The following APLP2 variants were observed in gnomAD, a reference collection of about 807,000 sequenced individuals.
APLP2 encodes CDEI box-binding protein.
A neutral mutation model predicts 89.9 loss-of-function variants in APLP2; 53 were observed. The observed-to-expected ratio is 0.59, with a 90% confidence interval of 0.47 to 0.74. APLP2 has a LOEUF of 0.74. Among genes scored for constraint, APLP2 ranks in the 30% least tolerant of loss-of-function variants. The probability of loss-of-function intolerance (pLI) is 0.00; values close to 1 mark genes in which losing one functional copy is unlikely to be tolerated. For missense variants in APLP2, 973 were observed against 975.9 expected, an observed-to-expected ratio of 1.00 and a Z score of 0.04; for synonymous variants, 372 against 348.6, an observed-to-expected ratio of 1.07 and a Z score of -0.75.
intron 3 of APLP2, among the ~76,000 whole-genome samples, chr11:130,118,035 C>G (rs1949399590): frequency 6.6e-6 from 1 of 150,852 alleles, no homozygotes; most frequent in Non-Finnish European, 1.5e-5. Context: ...TGAGATTGCG[C>G]CACTGCACTC....
intron 1 of APLP2, chr11:130,082,350 A>T (rs1386901306): frequency 6.6e-6 from 1 of 151,318 alleles, no homozygotes; most frequent in Non-Finnish European, 1.5e-5. Flanking sequence ...CGCCCAGCTG[A>T]TTTTTGTATT....
chr11:130,113,885 C>G (rs1054065044), intron 3 of APLP2, among the ~76,000 whole-genome samples: 2 of 152,178 alleles, frequency 1.3e-5, no homozygotes, highest in Non-Finnish European at 2.9e-5. Flanking sequence ...TTCAGATTTT[C>G]CAACTGTTAA....
At chr11:130,094,162 T>G (rs1160790452) in intron 1 of APLP2, among the ~76,000 whole-genome samples, 1 of 150,914 alleles carries the variant, frequency 6.6e-6, no homozygotes, top group Non-Finnish European at 1.5e-5. Flanking sequence ...TAAGCGATTC[T>G]CCTTCCTCAG....
At chr11:130,133,531 G>A (rs560193680) in intron 11 of APLP2, 98 bp from the exon 12 acceptor site, 8 of 817,602 alleles carry the variant, frequency 9.8e-6, no homozygotes, top group Non-Finnish European at 1.7e-5. Context: ...TTTGTAAAGT[G>A]GTTTTTCCAG....
intron 1 of APLP2, chr11:130,070,721 T>G: frequency 6.8e-7 from 1 of 1,470,496 alleles, no homozygotes; most frequent in East Asian, 3.0e-5. Flanking sequence ...TTTGCCTGCG[T>G]CCGTAGACCG....
intron 7 of APLP2, among the ~76,000 whole-genome samples, chr11:130,125,025 G>A (rs1300965040): frequency 6.6e-6 from 1 of 152,220 alleles, no homozygotes; most frequent in Non-Finnish European, 1.5e-5. Flanking sequence ...CCCGTTTGCT[G>A]TGGCTTGGAT....
chr11:130,070,428 A>G lies in APLP2; in HGVS notation c.105+346A>G, dbSNP rs1940738318. On this transcript the variant is annotated intron_variant, in intron 1 of 16. Coordinates refer to ENST00000338167, the MANE Select transcript of APLP2 (RefSeq NM_001142276.2). ...CGCCCGCCCCGCCCTCCCCCGGGAC[A>G]ATGCCAGGGCGCTCCTCTCCCGCCG... The G allele has an allele frequency of 1.0e-5, 4 of 385,578 alleles. No homozygotes were observed. The South Asian group carries it at 3.5e-4, about 33-fold the overall frequency. The allele number at this position is 385,578 out of a possible 1,614,324, so 23.9% of individuals were successfully genotyped here.
chr11:130,086,239 C>A (rs1330853974), intron 1 of APLP2, among the ~76,000 whole-genome samples: 1 of 152,198 alleles, frequency 6.6e-6, no homozygotes. Flanking sequence ...TCCTAATGGG[C>A]GTGGAGCGGT....
At chr11:130,091,562 C>G in intron 1 of APLP2, among the ~76,000 whole-genome samples, 1 of 143,060 alleles carries the variant, frequency 7.0e-6, no homozygotes. Flanking sequence ...CCACCTCCCT[C>G]CCGGACGGGG....
At chr11:130,108,131 A>T (rs535587682) in intron 1 of APLP2, among the ~76,000 whole-genome samples, 6 of 152,220 alleles carry the variant, frequency 3.9e-5, no homozygotes, top group African/African-American at 9.6e-5. Flanking sequence ...AACCTAGGCA[A>T]TACCATTCAG....
chr11:130,122,179 C>A, intron 5 of APLP2, 126 bp from the exon 6 acceptor site: 2 of 1,141,772 alleles, frequency 1.8e-6, no homozygotes, highest in Non-Finnish European at 2.5e-6. Flanking sequence ...CTTAGTGGCA[C>A]GGTGAAATGT....
intron 16 of APLP2, among the ~76,000 whole-genome samples, chr11:130,142,380 AT>A (rs557979814): frequency 0.015 from 2,222 of 146,090 alleles, 23 homozygotes; most frequent in Non-Finnish European, 0.022. Context: ...TTTTCCAGGT[AT>A]TTTTTTTTTT....
intron 13 of APLP2, among the ~76,000 whole-genome samples, chr11:130,136,106 C>T (rs953445741): frequency 1.3e-5 from 2 of 152,026 alleles, no homozygotes; most frequent in African/African-American, 4.8e-5. Context: ...ACAGGGCTGG[C>T]GTGGGTCATA....
At chr11:130,076,651 A>G (rs1037326350) in intron 1 of APLP2, among the ~76,000 whole-genome samples, 3 of 152,042 alleles carry the variant, frequency 2.0e-5, no homozygotes, top group Non-Finnish European at 4.4e-5. Flanking sequence ...TGCTTAATTG[A>G]GCTGTCCCCA....
intron 3 of APLP2, among the ~76,000 whole-genome samples, chr11:130,119,916 T>C (rs1178233942): frequency 6.6e-6 from 1 of 152,236 alleles, no homozygotes; most frequent in Non-Finnish European, 1.5e-5. Context: ...TTTAAAAGGA[T>C]CACATACTAC....
intron 3 of APLP2, among the ~76,000 whole-genome samples, chr11:130,118,147 T>C (rs1479684468): frequency 6.6e-6 from 1 of 152,140 alleles, no homozygotes; most frequent in African/African-American, 2.4e-5. Context: ...CTGCTTTAAA[T>C]TTTTTTGATG....
intron 1 of APLP2, among the ~76,000 whole-genome samples, chr11:130,092,318 G>T (rs1945469696): frequency 7.9e-6 from 1 of 126,320 alleles, no homozygotes; most frequent in Non-Finnish European, 1.6e-5. Context: ...CCCAGACGGG[G>T]TGGCGGCCGG....
At chr11:130,109,051 G>A (rs1948184467) in intron 1 of APLP2, 1 of 152,834 alleles carries the variant, frequency 6.5e-6, no homozygotes, top group Non-Finnish European at 1.5e-5. Context: ...GCCTGTCGTG[G>A]GGTGGGGAGA....
intron 1 of APLP2, among the ~76,000 whole-genome samples, chr11:130,086,432 T>A (rs1256796282): frequency 1.3e-5 from 2 of 152,234 alleles, no homozygotes; most frequent in Admixed American, 1.3e-4. Context: ...GTTAATTAGA[T>A]ATGTGATTTG....
Sources: allele counts gnomAD v4.1 joint callset (sites outside exome capture counted in the v4.1 genomes callset), GRCh38; gene constraint gnomAD v4.1.1; transcripts MANE v1.5; gene names NCBI Gene and HGNC (gene_info 2026-07-23, HGNC 2026-07-21).